The following SCNN1D variants were observed in gnomAD, a reference collection of about 807,000 sequenced individuals.
SCNN1D encodes the protein sodium channel epithelial 1 subunit delta.
SCNN1D carries 104 observed loss-of-function variants against 87.8 expected under a neutral mutation model. The observed-to-expected ratio is 1.18, with a 90% CI of 1.01 to 1.39. SCNN1D has a LOEUF of 1.39. SCNN1D is among the 40% of genes most tolerant of loss of function. The pLI is 0.00. For missense variants in SCNN1D, 1,324 were observed against 1,093.9 expected (o/e 1.21, Z -2.97); for synonymous variants, 628 against 481.2 (o/e 1.31, Z -3.99).
rs756423103 is a variant in SCNN1D, at chr1:1,291,137, C to G, written c.2049C>G (p.Tyr683Ter). The G allele has an allele frequency of 3.1e-6, 5 of 1,611,568 alleles. No individual in the cohort carries two copies. Among genetic ancestry groups the G allele is most frequent in the African/African-American group, 1.3e-5 (1 of 75,050 alleles). The change falls in exon 17 of 18, where the codon TAC becomes TAG. Residue 683 changes from tyrosine (Y) to a stop codon, truncating the protein, a stop_gained. Coordinates refer to ENST00000379116, the MANE Select transcript of SCNN1D (RefSeq NM_001130413.4). LOFTEE classifies it low-confidence loss of function (END_TRUNC). Reference sequence around the variant, plus strand: ...GCTCAGTGGAGGAGGCGCCCGTGTACTCGGTGAGCCTTGGCCCCCTGCCTG... The same window carrying G: ...GCTCAGTGGAGGAGGCGCCCGTGTAGTCGGTGAGCCTTGGCCCCCTGCCTG... ...NYRSVEEAPVYSVPQLLSAMG... is the reference protein window; with the variant it reads ...NYRSVEEAPV
In SCNN1D at chr1:1,286,988, G is replaced by C; in HGVS notation, c.1119+13G>C. 6 of 1,608,098 alleles carry C rather than the reference G, an allele frequency of 3.7e-6. No homozygotes were observed. Among genetic ancestry groups the C allele is most frequent in the Non-Finnish European group, 5.1e-6 (6 of 1,176,960 alleles). On this transcript the variant is annotated intron_variant, in intron 8 of 17. Coordinates refer to ENST00000379116, the MANE Select transcript of SCNN1D (RefSeq NM_001130413.4). ...GGGGTTCAGACTGGTGAGTGTCCCA[G>C]CCGGGGCCTGCAGCCATCAGGGCCT...
rs1640642582 is a variant in SCNN1D at position 1,288,007 on chromosome 1, G to C, written c.1632G>C (p.Glu544Asp). The C allele has an allele frequency of 1.3e-6, 2 of 1,546,626 alleles. No individual in the cohort carries two copies. The highest frequency in any genetic ancestry group is 1.4e-5 in the African/African-American group (1 of 72,928). Residue 544 changes from glutamate to aspartate, a missense_variant, in exon 12 of 18, where the codon GAG becomes GAC. Coordinates refer to ENST00000379116, the MANE Select transcript of SCNN1D (RefSeq NM_001130413.4). ...CTAGGEGVEV[E>D]LLHNTSYTRQ... ...CCGGCGGGGAAGGCGTGGAGGTGGA[G>C]CTGCTACACAACACCTCCTACACCA...
Position 1,285,665 on chromosome 1 carries a change from G to A in SCNN1D, c.558+1G>A. The A allele has an allele frequency of 6.5e-7, 1 of 1,538,280 alleles. No homozygotes were observed. The highest frequency in any genetic ancestry group is 8.8e-7 in the Non-Finnish European group (1 of 1,140,504). On this transcript the variant is annotated splice_donor_variant, in intron 6 of 17. Coordinates refer to ENST00000379116, the MANE Select transcript of SCNN1D (RefSeq NM_001130413.4). LOFTEE classifies it high-confidence loss of function. Reference sequence around the variant, plus strand: ...CAACGCTGCCTGCAAACAGGGCCAGGTAGGGCCTGAGCACCCTGTTCTCTG... The same window carrying A: ...CAACGCTGCCTGCAAACAGGGCCAGATAGGGCCTGAGCACCCTGTTCTCTG...
chr1:1,285,891 C>T (rs1460063847), intron 6 of SCNN1D, 35 bp from the exon 7 acceptor site: 2 of 1,514,546 alleles, frequency 1.3e-6, no homozygotes, highest in Non-Finnish European at 8.9e-7. Context: ...TGAGTGGGTG[C>T]AGGCCGGGCC....
chr1:1,287,061 G>C (rs368878588), intron 8 of SCNN1D, 48 bp from the exon 9 acceptor site: 4 of 1,576,374 alleles, frequency 2.5e-6, no homozygotes, highest in Admixed American at 3.4e-5. Context: ...AGTGGGGAGC[G>C]GGGCCTGGGC....
chr1:1,288,215 T>C (rs761064838), intron 12 of SCNN1D, among the ~76,000 whole-genome samples, 178 bp downstream of exon 12: 2,220 of 126,728 alleles, frequency 0.018, 32 homozygotes, highest in African/African-American at 0.04. Flanking sequence ...GTGTCTCTGC[T>C]CCGTCCCGTG....
rs760936696 is a variant in SCNN1D, at chr1:1,287,792, T to A, written c.1519T>A (p.Phe507Ile). 1.8e-5 allele frequency: 29 copies of A among 1,587,762 alleles called. No individual in the cohort carries two copies. The highest frequency in any genetic ancestry group is 2.2e-5 in the Non-Finnish European group (26 of 1,167,622). ...NHTPFLGHHSFSVRPGTEATI... is the reference protein window; with the variant it reads ...NHTPFLGHHSISVRPGTEATI... ...CACGCCCTTCCTGGGGCACCACAGC[T>A]TCAGCGTCCGGCCAGGGACGGAGGC... Residue 507 changes from phenylalanine to isoleucine, a missense_variant, in exon 11 of 18, where the codon TTC (phenylalanine) becomes ATC (isoleucine). By Grantham distance (21) the Phe-to-Ile change is conservative. Transcript: ENST00000379116.
intron 5 of SCNN1D, among the ~76,000 whole-genome samples, chr1:1,285,146 C>T (rs1013667544): frequency 8.5e-5 from 13 of 152,328 alleles, no homozygotes; most frequent in African/African-American, 2.9e-4. Context: ...CGAGGGGAGC[C>T]GTCCCCACCT....
chr1:1,290,755 C>T, intron 15 of SCNN1D, 61 bp downstream of exon 15: 1 of 1,599,658 alleles, frequency 6.3e-7, no homozygotes, highest in Admixed American at 1.7e-5. Context: ...ACAGGTCCCA[C>T]AGAGCCCACC....
chr1:1,291,197 G>A, intron 17 of SCNN1D, 57 bp downstream of exon 17: 1 of 1,588,624 alleles, frequency 6.3e-7, no homozygotes, highest in Non-Finnish European at 8.6e-7. Context: ...GGCTGGCCCT[G>A]CACAGAAGGG....
chr1:1,282,202 GA>G, intron 3 of SCNN1D, 39 bp from the exon 4 acceptor site: 1 of 1,170,504 alleles, frequency 8.5e-7, no homozygotes, highest in South Asian at 1.3e-5. Context: ...AGTAACTCGG[GA>G]AGGCCACACA....
At chr1:1,284,895 C>T (rs1196839234) in intron 5 of SCNN1D, among the ~76,000 whole-genome samples, 1 of 152,170 alleles carries the variant, frequency 6.6e-6, no homozygotes, top group Non-Finnish European at 1.5e-5. Context: ...CTGACTGGCC[C>T]TCCAGACCCC....
chr1:1,291,258 C>T lies in SCNN1D; in HGVS notation c.2057C>T (p.Pro686Leu), dbSNP rs898251425. 6.4e-6 allele frequency: 10 copies of T among 1,558,268 alleles called. No homozygotes were observed. Among genetic ancestry groups the T allele is most frequent in the Admixed American group, 1.9e-5 (1 of 51,920 alleles). The change falls in exon 18 of 18, where the codon CCG (proline) becomes CTG (leucine). Residue 686 changes from proline (P) to leucine (L), a missense_variant. Pro to Leu is a moderately conservative substitution (Grantham distance 98). Coordinates refer to ENST00000379116, the MANE Select transcript of SCNN1D (RefSeq NM_001130413.4). ...ACACCCGCACCCCACCCGCAGGTGC[C>T]GCAGCTGCTCTCGGCCATGGGCAGC... ...SVEEAPVYSV[P>L]QLLSAMGSLC...
chr1:1,280,687 A>G (rs748801628), intron 1 of SCNN1D, 21 bp downstream of exon 1: 21 of 701,692 alleles, frequency 3.0e-5, no homozygotes, highest in Admixed American at 4.0e-5. Context: ...CTCCCTTCCC[A>G]TCACAGCTGA....
At chr1:1,280,886 C>T in intron 1 of SCNN1D, 1 of 586,082 alleles carries the variant, frequency 1.7e-6, no homozygotes, top group Non-Finnish European at 3.0e-6. Flanking sequence ...CAGCACCCAC[C>T]CAGGCCAGCA....
chr1:1,289,821 TCC>T (rs769904770), intron 12 of SCNN1D, among the ~76,000 whole-genome samples: 2 of 5,602 alleles, frequency 3.6e-4, no homozygotes, highest in Non-Finnish European at 5.9e-4. Flanking sequence ...CTCTGCTCCG[TCC>T]CCCGTGTCTC....
At chr1:1,286,640 G>C in intron 7 of SCNN1D, 128 bp from the exon 8 acceptor site, 1 of 896,530 alleles carries the variant, frequency 1.1e-6, no homozygotes, top group Non-Finnish European at 1.7e-6. Flanking sequence ...TCCAGCTCTG[G>C]GTCCAGCTCA....
At chr1:1,285,755 G>A (rs2100322853) in intron 6 of SCNN1D, 91 bp downstream of exon 6, 1 of 1,248,952 alleles carries the variant, frequency 8.0e-7, no homozygotes, top group Non-Finnish European at 1.1e-6. Flanking sequence ...ACGTGTCAGG[G>A]ACGGGTGTAT....
chr1:1,291,450 C>T lies in SCNN1D; in HGVS notation c.2249C>T (p.Pro750Leu). Residue 750 changes from proline (P) to leucine (L), a missense_variant, in exon 18 of 18, where the codon CCA becomes CTA. Pro to Leu is a moderately conservative substitution (Grantham distance 98, BLOSUM62 -3). Coordinates refer to ENST00000379116, the MANE Select transcript of SCNN1D (RefSeq NM_001130413.4). Reference sequence around the variant, plus strand: ...GCCTCAGGGGCGTCCAGCATCAAGCCAGAGGCCAGTCAGATGCCCCCGCCT... The same window carrying T: ...GCCTCAGGGGCGTCCAGCATCAAGCTAGAGGCCAGTCAGATGCCCCCGCCT... ...SPASGASSIK[P>L]EASQMPPPAG... The T allele has an allele frequency of 6.2e-7, 1 of 1,608,316 alleles. No homozygotes were observed. The highest frequency in any genetic ancestry group is 8.5e-7 in the Non-Finnish European group (1 of 1,177,520).
Sources: gnomAD v4.1 joint callset for allele counts (sites outside exome capture counted in the v4.1 genomes callset) on GRCh38, gnomAD v4.1.1 for gene constraint, MANE v1.5 for transcripts, NCBI Gene and HGNC (gene_info 2026-07-23, HGNC 2026-07-21) for gene names.